Variants in BRD1 observed in about 807,000 individuals in gnomAD.
The protein encoded by BRD1 is bromodomain containing 1.
A neutral mutation model predicts 107.7 loss-of-function variants in BRD1; 24 were observed. The ratio of observed to expected loss-of-function variants is 0.22; its 90% confidence interval spans 0.16 to 0.31. BRD1 has a LOEUF of 0.31. Among genes scored for constraint, BRD1 ranks in the 10% least tolerant of loss-of-function variants. BRD1 has a pLI of 1.00. For missense variants in BRD1, 1,279 were observed against 1,638.6 expected, an observed-to-expected ratio of 0.78 and a Z score of 3.79; for synonymous variants, 744 against 686.1, an observed-to-expected ratio of 1.08 and a Z score of -1.32.
chr22:49,812,958 C>A (rs1390732467), intron 2 of BRD1, among the ~76,000 whole-genome samples: 1 of 152,212 alleles, frequency 6.6e-6, no homozygotes, highest in African/African-American at 2.4e-5. Context: ...TGAGGCTCAG[C>A]ACAAAGCTGC....
At chr22:49,774,453 T>C (rs775131628) in intron 12 of BRD1, 37 bp from the exon 13 acceptor site, 8 of 1,588,052 alleles carry the variant, frequency 5.0e-6, no homozygotes, top group Non-Finnish European at 6.9e-6. Context: ...AATCATTGCT[T>C]GCACATGGTA....
At chr22:49,788,662 C>T (rs2059374811) in intron 7 of BRD1, among the ~76,000 whole-genome samples, 1 of 152,182 alleles carries the variant, frequency 6.6e-6, no homozygotes, top group African/African-American at 2.4e-5. Context: ...TGTGCACTGT[C>T]CCGAGTCCAG....
At chr22:49,793,937 A>G (rs933884679) in intron 7 of BRD1, 97 bp downstream of exon 7, 6 of 1,497,946 alleles carry the variant, frequency 4.0e-6, no homozygotes, top group Non-Finnish European at 5.3e-6. Context: ...CTCCGTGCAC[A>G]CCAACGCTGC....
chr22:49,797,798 T>A lies in BRD1; in HGVS notation c.2098+7A>T. ...CCACCTCCTCCGGACACGGCGCCAG[T>A]TCTTACCGTCTTCCCAGGAGAAAGG... On this transcript the variant is annotated splice_region_variant and intron_variant, in intron 6 of 12. Transcript: ENST00000404760. 6.3e-7 allele frequency: 1 copy of A among 1,587,414 alleles called. No homozygotes were observed. The highest frequency in any genetic ancestry group is 1.3e-5 in the African/African-American group (1 of 74,600).
intron 2 of BRD1, chr22:49,806,525 G>T (rs138574161): frequency 4.6e-5 from 7 of 152,330 alleles, no homozygotes; most frequent in Admixed American, 4.6e-4. Context: ...TCGGACAGAA[G>T]AGTTAAGGGG....
intron 6 of BRD1, 150 bp from the exon 7 acceptor site, chr22:49,794,444 C>A (rs1370099093): frequency 3.1e-6 from 3 of 974,170 alleles, no homozygotes; most frequent in Non-Finnish European, 4.5e-6. Context: ...AGAGGCCCCT[C>A]CCCTGCACTC....
At chr22:49,787,317 C>A in intron 8 of BRD1, 73 bp downstream of exon 8, 6 of 1,084,476 alleles carry the variant, frequency 5.5e-6, no homozygotes, top group Admixed American at 2.8e-5. Flanking sequence ...CCCCCCGTCA[C>A]ACCAATGATC....
At chr22:49,796,427 G>A (rs752234648) in intron 6 of BRD1, among the ~76,000 whole-genome samples, 134 of 150,246 alleles carry the variant, frequency 8.9e-4, no homozygotes, top group Non-Finnish European at 8.6e-4. Context: ...CACAATCTCC[G>A]CTCACTGCAG....
At position 49,824,087 on chromosome 22, in the gene BRD1, C is replaced by T; in HGVS notation, c.231G>A (p.Lys77=). The T allele has an allele frequency of 6.2e-7, 1 of 1,614,018 alleles. No individual in the cohort carries two copies. Among genetic ancestry groups the T allele is most frequent in the Non-Finnish European group, 8.5e-7 (1 of 1,180,030 alleles). ...AGACAGGAGGCCGCTCGCTGTTTTC[C>T]TTGTTGCTGTTGCACTCACTCATCT... ...AQEMSECNSN[K]ENSERPPVCL... The change falls in exon 2 of 13, where the codon AAG becomes AAA. Residue 77 remains lysine (K), a synonymous_variant. Coordinates refer to ENST00000404760, the MANE Select transcript of BRD1 (RefSeq NM_001304808.3). This position sits in a 1 kb window ranked among gnomAD's most constrained non-coding sequence, Gnocchi z 5.9.
intron 2 of BRD1, among the ~76,000 whole-genome samples, chr22:49,809,364 A>C (rs547386699): frequency 1.3e-5 from 2 of 151,924 alleles, no homozygotes; most frequent in Non-Finnish European, 2.9e-5. Context: ...AGATGGTGAA[A>C]CCTCGTCTCT....
In BRD1 at chr22:49,783,452, G is replaced by A. The variant is rs192837197; in HGVS notation, c.2857+3938C>T. Among the ~76,000 whole-genome samples the A allele has an allele frequency of 2.0e-5, 3 of 152,358 alleles. No homozygotes were observed. In the East Asian group the frequency reaches 5.8e-4, roughly 29 times the overall value. ...ATGCCACATCCTCAGACAGTGCCGA[G>A]CCAAGTTCCTCCATACCCCATGGCA... On this transcript the variant is annotated intron_variant, in intron 8 of 12. Transcript: ENST00000404760. This position sits in a 1 kb window ranked among gnomAD's most constrained non-coding sequence, Gnocchi z 4.2.
chr22:49,809,557 A>C (rs1019172120), intron 2 of BRD1, among the ~76,000 whole-genome samples: 1 of 150,890 alleles, frequency 6.6e-6, no homozygotes, highest in Admixed American at 6.6e-5. Context: ...AAATATATAT[A>C]TATATATATA....
chr22:49,823,054 A>T lies in BRD1; in HGVS notation c.1264T>A (p.Ser422Thr). The change falls in exon 2 of 13, where the codon TCC becomes ACC. Residue 422 changes from serine (S) to threonine (T), a missense_variant. Transcript: ENST00000404760. ...RKESSVKTVR[S>T]TSKVRKKAKK... ...GCCTTCTTCCTGACCTTGGATGTGG[A>T]CCTGACCGTTTTAACCGAGCTCTCT... 1 of 1,614,126 alleles carries T rather than the reference A, an allele frequency of 6.2e-7. No homozygotes were observed. Among genetic ancestry groups the T allele is most frequent in the Non-Finnish European group, 8.5e-7 (1 of 1,180,016 alleles).
chr22:49,820,689 G>A (rs2060048870), intron 2 of BRD1: 1 of 152,388 alleles, frequency 6.6e-6, no homozygotes, highest in African/African-American at 2.4e-5. Flanking sequence ...CATGCACCCA[G>A]GGGTAGTGCC....
At chr22:49,775,805 T>C in intron 11 of BRD1, 60 bp from the exon 12 acceptor site, 5 of 1,445,742 alleles carry the variant, frequency 3.5e-6, no homozygotes, top group Non-Finnish European at 4.6e-6. Context: ...CAACCCCACC[T>C]GTCACTGGCA....
Position 49,803,948 on chromosome 22 carries a change from A to C in BRD1, c.1524+256T>G, listed in dbSNP as rs2059690985. ...CCATCAGCGTGTGTGCGGGCAGGGC[A>C]GGGCGGGGGAGCGCAACTCAAAACG... On this transcript the variant is annotated intron_variant, in intron 3 of 12. Transcript: ENST00000404760. The surrounding 1 kb of genome is among the most constrained non-coding windows in gnomAD (Gnocchi z 4.4). Among the ~76,000 whole-genome samples, 1 of 152,222 alleles carries C rather than the reference A, an allele frequency of 6.6e-6. No homozygotes were observed. The highest frequency in any genetic ancestry group is 2.4e-5 in the African/African-American group (1 of 41,452).
chr22:49,774,154 T>A lies in BRD1; in HGVS notation c.*79A>T. Reference sequence around the variant, plus strand: ...AAAGAGCTATAACTAAAAATCAGAATAAGTTAAGTTTTGAACAATATACAA... The same window carrying A: ...AAAGAGCTATAACTAAAAATCAGAAAAAGTTAAGTTTTGAACAATATACAA... On this transcript the variant is annotated 3_prime_UTR_variant, in exon 13 of 13. Coordinates refer to ENST00000404760, the MANE Select transcript of BRD1 (RefSeq NM_001304808.3). 1.4e-6 allele frequency: 2 copies of A among 1,440,402 alleles called. No homozygotes were observed. Among genetic ancestry groups the A allele is most frequent in the East Asian group, 5.0e-5 (2 of 40,022 alleles). 89.2% of individuals were successfully genotyped at this position (1,440,402 alleles called of 1,614,324 possible). A position where few individuals can be genotyped will look rare whatever the true frequency, so the allele number is the denominator to read the frequency against.
chr22:49,777,880 C>G, intron 8 of BRD1, 67 bp from the exon 9 acceptor site: 1 of 1,516,564 alleles, frequency 6.6e-7, no homozygotes, highest in South Asian at 1.2e-5. Flanking sequence ...GACTCAACGA[C>G]GTTACACTTG....
intron 12 of BRD1, 32 bp downstream of exon 12, chr22:49,775,559 C>T (rs551755712): frequency 2.1e-5 from 30 of 1,418,314 alleles, no homozygotes; most frequent in Middle Eastern, 1.9e-4. Context: ...CCACCCCAGC[C>T]GGTCCCCGGA....
Sources: allele counts gnomAD v4.1 joint callset (sites outside exome capture counted in the v4.1 genomes callset), GRCh38; gene constraint gnomAD v4.1.1; non-coding constraint Gnocchi (gnomAD v3.1); transcripts MANE v1.5; gene names NCBI Gene and HGNC (gene_info 2026-07-23, HGNC 2026-07-21).